HNRNPC: variants seen among roughly 807,000 people sequenced by gnomAD.
HNRNPC encodes heterogeneous nuclear ribonucleoprotein C, also known as heterogeneous nuclear ribonucleoproteins C1/C2.
Under a neutral mutation model 33.2 loss-of-function variants are expected in HNRNPC, and 3 were observed. The ratio of observed to expected loss-of-function variants is 0.09; its 90% confidence interval spans 0.04 to 0.23. HNRNPC has a LOEUF of 0.23. Among genes scored for constraint, HNRNPC ranks in the 10% least tolerant of loss-of-function variants. HNRNPC has a pLI of 1.00. For synonymous variants in HNRNPC, 121 were observed against 126.7 expected (o/e 0.96, Z 0.30); for missense variants, 143 against 366.7 (o/e 0.39, Z 4.98).
At chr14:21,263,605 A>C (rs2139045522) in intron 1 of HNRNPC, 1 of 152,300 alleles carries the variant, frequency 6.6e-6, no homozygotes, top group East Asian at 1.9e-4. Flanking sequence ...TAGAAATAGA[A>C]ATTTTAAAAA....
intron 6 of HNRNPC, among the ~76,000 whole-genome samples, chr14:21,212,732 TG>T (rs1335547745): frequency 6.6e-6 from 1 of 152,080 alleles, no homozygotes; most frequent in Non-Finnish European, 1.5e-5. Flanking sequence ...TCGGTAGAGA[TG>T]GGGTTCCTCC....
intron 2 of HNRNPC, among the ~76,000 whole-genome samples, chr14:21,237,822 A>AG (rs896258217): frequency 7.2e-5 from 11 of 152,178 alleles, no homozygotes; most frequent in African/African-American, 2.7e-4. Context: ...CCAAGGATGG[A>AG]GTGCAATGGA....
chr14:21,266,794 A>G (rs559903701), intron 1 of HNRNPC, among the ~76,000 whole-genome samples: 1 of 152,088 alleles, frequency 6.6e-6, no homozygotes, highest in Admixed American at 6.6e-5. Flanking sequence ...AATAACTACC[A>G]ATTTAGAAAA....
chr14:21,248,803 A>G (rs1386470477), intron 2 of HNRNPC, among the ~76,000 whole-genome samples: 2 of 152,250 alleles, frequency 1.3e-5, no homozygotes, highest in Non-Finnish European at 1.5e-5. Context: ...AAACGGGATC[A>G]TTACATCAAA....
intron 7 of HNRNPC, 114 bp from the exon 8 acceptor site, chr14:21,211,680 C>G: frequency 7.0e-7 from 1 of 1,429,924 alleles, no homozygotes; most frequent in South Asian, 1.3e-5. Context: ...CACACAAATA[C>G]CCTTCCCAAT....
chr14:21,243,702 A>C (rs987424087), intron 2 of HNRNPC, among the ~76,000 whole-genome samples: 1 of 152,198 alleles, frequency 6.6e-6, no homozygotes, highest in African/African-American at 2.4e-5. Flanking sequence ...GTAGGTCCCT[A>C]TATCTGTATT....
At chr14:21,251,135 C>T (rs534014259) in intron 2 of HNRNPC, among the ~76,000 whole-genome samples, 1 of 151,834 alleles carries the variant, frequency 6.6e-6, no homozygotes, top group East Asian at 1.9e-4. Flanking sequence ...GTGGAGGGCG[C>T]CTGTAGTCCT....
chr14:21,260,871 G>A (rs1383876882), intron 2 of HNRNPC, among the ~76,000 whole-genome samples: 1 of 151,108 alleles, frequency 6.6e-6, no homozygotes, highest in Non-Finnish European at 1.5e-5. Flanking sequence ...GCTGAGGCAG[G>A]AGAATCGCTT....
intron 2 of HNRNPC, among the ~76,000 whole-genome samples, chr14:21,260,293 G>C (rs1437789089): frequency 6.7e-6 from 1 of 149,380 alleles, no homozygotes; most frequent in Non-Finnish European, 1.5e-5. Context: ...TTGAAACCAG[G>C]AGGCAGAGGT....
intron 5 of HNRNPC, among the ~76,000 whole-genome samples, chr14:21,225,434 A>G (rs1166542852): frequency 2.7e-5 from 4 of 145,882 alleles, no homozygotes; most frequent in Non-Finnish European, 4.6e-5. Context: ...TCTGTCTCAA[A>G]AAAAGGAAAA....
intron 2 of HNRNPC, among the ~76,000 whole-genome samples, chr14:21,257,062 A>C (rs928566456): frequency 1.3e-5 from 2 of 152,216 alleles, no homozygotes; most frequent in Non-Finnish European, 2.9e-5. Context: ...TGAAAAAGGC[A>C]ACAGTACACA....
chr14:21,255,574 A>G (rs897429938), intron 2 of HNRNPC, among the ~76,000 whole-genome samples: 1 of 152,208 alleles, frequency 6.6e-6, no homozygotes, highest in Non-Finnish European at 1.5e-5. Flanking sequence ...TATTACACAG[A>G]CTAGCTATGC....
intron 2 of HNRNPC, among the ~76,000 whole-genome samples, chr14:21,247,272 T>C (rs998675815): frequency 6.6e-6 from 1 of 152,188 alleles, no homozygotes; most frequent in Non-Finnish European, 1.5e-5. Flanking sequence ...AGATCACATA[T>C]AGCTCCAGCG....
intron 2 of HNRNPC, among the ~76,000 whole-genome samples, chr14:21,239,079 G>A (rs924709502): frequency 7.2e-5 from 11 of 151,836 alleles, no homozygotes; most frequent in African/African-American, 2.4e-4. Context: ...AGCCGAGATC[G>A]TGCTAATGCA....
At chr14:21,256,971 G>C (rs906517361) in intron 2 of HNRNPC, among the ~76,000 whole-genome samples, 1 of 152,024 alleles carries the variant, frequency 6.6e-6, no homozygotes, top group Non-Finnish European at 1.5e-5. Flanking sequence ...TTTTCTAATA[G>C]GCCAAAGGTG....
intron 5 of HNRNPC, among the ~76,000 whole-genome samples, chr14:21,224,012 C>G (rs1893138283): frequency 6.6e-6 from 1 of 152,226 alleles, no homozygotes; most frequent in East Asian, 1.9e-4. Flanking sequence ...GAAACACATG[C>G]CTTTCAATGC....
intron 5 of HNRNPC, among the ~76,000 whole-genome samples, chr14:21,214,154 T>G (rs188550750): frequency 5.9e-5 from 9 of 152,340 alleles, no homozygotes; most frequent in Admixed American, 5.2e-4. Flanking sequence ...ACTAACTTAA[T>G]GCAAAGGCCC....
intron 5 of HNRNPC, among the ~76,000 whole-genome samples, chr14:21,217,611 C>G (rs1258301436): frequency 6.6e-6 from 1 of 152,098 alleles, no homozygotes; most frequent in African/African-American, 2.4e-5. Flanking sequence ...TACCTACTAC[C>G]AAAGAATAGG....
intron 3 of HNRNPC, among the ~76,000 whole-genome samples, chr14:21,232,889 T>G (rs1894267687): frequency 6.6e-6 from 1 of 151,964 alleles, no homozygotes; most frequent in Non-Finnish European, 1.5e-5. Context: ...ATACAAAAAT[T>G]AGCCAGGTGT....
Sources: gnomAD v4.1 joint callset for allele counts (sites outside exome capture counted in the v4.1 genomes callset) on GRCh38, gnomAD v4.1.1 for gene constraint, MANE v1.5 for transcripts, NCBI Gene and HGNC (gene_info 2026-07-23, HGNC 2026-07-21) for gene names.